TRDN: variants seen among roughly 807,000 people sequenced by gnomAD.
TRDN encodes the protein triadin.
TRDN carries 161 observed loss-of-function variants against 149.7 expected under a neutral mutation model. The observed-to-expected ratio is 1.08, with a 90% CI of 0.95 to 1.23. The LOEUF is 1.23. Ranked by LOEUF, TRDN falls within the 50% of genes most tolerant of loss-of-function variation. The pLI is 0.00. For missense variants in TRDN, 896 were observed against 823.5 expected, an observed-to-expected ratio of 1.09 and a Z score of -1.08; for synonymous variants, 294 against 250.5, an observed-to-expected ratio of 1.17 and a Z score of -1.64.
Position 123,218,721 on chromosome 6 carries a change from C to G in TRDN, c.2070G>C (p.Gln690His). Residue 690 changes from glutamine to histidine, a missense_variant, in exon 41 of 41, where the codon CAG becomes CAC. Physicochemically the swap from Gln to His is conservative, Grantham distance 24. Coordinates refer to ENST00000334268, the MANE Select transcript of TRDN (RefSeq NM_006073.4). The part of the protein sequence containing the change: ...TKQKSPISFF[Q>H]CVYLDGYNGY... The stretch of plus-strand genomic sequence containing the variant: ...CATTGTACCCATCCAAGTAGACACA[C>G]TGGAAGAAACTGATGGGACCTAAGG... 6.3e-7 allele frequency: 1 copy of G among 1,576,302 alleles called. No homozygotes were observed. The highest frequency in any genetic ancestry group is 8.6e-7 in the Non-Finnish European group (1 of 1,158,530).
chr6:123,528,707 T>C (rs1049328889), intron 5 of TRDN: 1 of 987,242 alleles, frequency 1.0e-6, no homozygotes, highest in African/African-American at 1.7e-5. Context: ...TTATTTTCAC[T>C]GAACTATTTG....
intron 38 of TRDN, among the ~76,000 whole-genome samples, chr6:123,249,961 A>G (rs1776317804): frequency 6.6e-6 from 1 of 152,120 alleles, no homozygotes; most frequent in African/African-American, 2.4e-5. Flanking sequence ...TAAGGACTCC[A>G]CCAAAAAAAC....
intron 13 of TRDN, 112 bp from the exon 14 acceptor site, chr6:123,388,663 C>CCTG: frequency 9.0e-7 from 1 of 1,108,950 alleles, no homozygotes; most frequent in South Asian, 1.5e-5. Context: ...CACCTATACA[C>CCTG]TAATCAATTC....
chr6:123,469,883 C>G (rs1215425448), intron 9 of TRDN: 2 of 152,252 alleles, frequency 1.3e-5, no homozygotes, highest in African/African-American at 2.4e-5. Context: ...ACTACAACTT[C>G]TGCCTTGTTC....
At chr6:123,546,106 C>G (rs1029271764) in intron 4 of TRDN, among the ~76,000 whole-genome samples, 2 of 152,048 alleles carry the variant, frequency 1.3e-5, no homozygotes, top group Non-Finnish European at 2.9e-5. Flanking sequence ...TATGTTCACT[C>G]TCTATGGGAA....
chr6:123,442,562 G>GA (rs58272597), intron 10 of TRDN, among the ~76,000 whole-genome samples: 35,475 of 120,274 alleles, frequency 0.29, 7,323 homozygotes, highest in East Asian at 0.7. Flanking sequence ...AAAAAAAAAA[G>GA]AAAAAAAAAA....
intron 9 of TRDN, among the ~76,000 whole-genome samples, chr6:123,487,431 T>A (rs1008378169): frequency 6.6e-6 from 1 of 152,070 alleles, no homozygotes; most frequent in African/African-American, 2.4e-5. Flanking sequence ...AATGGCTTCC[T>A]AAAGTTTACC....
chr6:123,235,125 A>T (rs1775739253), intron 38 of TRDN, among the ~76,000 whole-genome samples: 1 of 152,176 alleles, frequency 6.6e-6, no homozygotes. Flanking sequence ...AGACAAATGA[A>T]TAGTCAAAAA....
At chr6:123,623,016 C>T (rs934803634) in intron 1 of TRDN, among the ~76,000 whole-genome samples, 16 of 152,212 alleles carry the variant, frequency 1.1e-4, no homozygotes, top group African/African-American at 3.1e-4. Flanking sequence ...CCACCTGTGC[C>T]TCTCCTCAAA....
intron 12 of TRDN, among the ~76,000 whole-genome samples, chr6:123,435,405 C>T (rs567282577): frequency 1.8e-4 from 27 of 152,068 alleles, no homozygotes; most frequent in African/African-American, 4.3e-4. Flanking sequence ...TGTTTGTAAA[C>T]CATATTGCTG....
At chr6:123,613,853 T>C (rs901067870) in intron 1 of TRDN, among the ~76,000 whole-genome samples, 1 of 152,164 alleles carries the variant, frequency 6.6e-6, no homozygotes, top group Non-Finnish European at 1.5e-5. Context: ...TTGTGAACTT[T>C]CCTTCTTAAA....
intron 12 of TRDN, among the ~76,000 whole-genome samples, chr6:123,407,270 C>T (rs1773232070): frequency 1.3e-5 from 2 of 152,040 alleles, no homozygotes; most frequent in Admixed American, 1.3e-4. Context: ...CCAACCAAAC[C>T]GAACGAAACA....
intron 12 of TRDN, among the ~76,000 whole-genome samples, chr6:123,400,215 A>G (rs980052831): frequency 6.7e-6 from 1 of 149,118 alleles, no homozygotes; most frequent in Non-Finnish European, 1.5e-5. Context: ...ATATACAAAC[A>G]TATAAAGGAA....
At chr6:123,589,543 C>G (rs1290890238) in intron 1 of TRDN, among the ~76,000 whole-genome samples, 1 of 152,240 alleles carries the variant, frequency 6.6e-6, no homozygotes, top group Admixed American at 6.5e-5. Context: ...TTTGTTGACT[C>G]TAATGTGCGT....
intron 12 of TRDN, among the ~76,000 whole-genome samples, chr6:123,397,883 T>G (rs908707689): frequency 1.3e-5 from 2 of 152,240 alleles, no homozygotes; most frequent in African/African-American, 4.8e-5. Context: ...GAGATAAACA[T>G]TTTTTCAGGA....
At chr6:123,257,540 C>T (rs1776605849) in intron 35 of TRDN, among the ~76,000 whole-genome samples, 1 of 152,110 alleles carries the variant, frequency 6.6e-6, no homozygotes, top group Admixed American at 6.6e-5. Flanking sequence ...GTTTTGGTTA[C>T]TGTAGCTTTG....
intron 1 of TRDN, among the ~76,000 whole-genome samples, chr6:123,627,739 T>G (rs1358220527): frequency 6.6e-6 from 1 of 152,214 alleles, no homozygotes; most frequent in African/African-American, 2.4e-5. Flanking sequence ...ATGTGTTGTT[T>G]AGCGTAGCCA....
chr6:123,479,270 G>T (rs1047434763), intron 9 of TRDN, among the ~76,000 whole-genome samples: 13 of 151,880 alleles, frequency 8.6e-5, no homozygotes, highest in African/African-American at 3.1e-4. Context: ...TTTCTTTCTG[G>T]GGGAAGTTTA....
chr6:123,516,044 G>T (rs1779395749), intron 6 of TRDN, 97 bp downstream of exon 6: 3 of 1,198,486 alleles, frequency 2.5e-6, no homozygotes, highest in African/African-American at 1.6e-5. Context: ...AATCTAATTT[G>T]TAAAACTGCG....
Sources: allele counts gnomAD v4.1 joint callset (sites outside exome capture counted in the v4.1 genomes callset), GRCh38; gene constraint gnomAD v4.1.1; transcripts MANE v1.5; gene names NCBI Gene and HGNC (gene_info 2026-07-23, HGNC 2026-07-21).